The following TMEM11 variants were observed in gnomAD, a reference collection of about 807,000 sequenced individuals.
TMEM11 encodes transmembrane protein 11.
In TMEM11, 1 loss-of-function variant was observed where a neutral mutation model predicts 17.0. The ratio of observed to expected loss-of-function variants is 0.06; its 90% CI spans 0.02 to 0.28. TMEM11 has a LOEUF of 0.28. Among genes scored for constraint, TMEM11 ranks in the 10% least tolerant of loss-of-function variants. The pLI, the probability that TMEM11 is intolerant of heterozygous loss-of-function variation, is 1.00. For missense variants in TMEM11, 172 were observed against 252.9 expected, an observed-to-expected ratio of 0.68 and a Z score of 2.17; for synonymous variants, 122 against 118.1, an observed-to-expected ratio of 1.03 and a Z score of -0.21.
In TMEM11 at chr17:21,214,083, G is replaced by C; in HGVS notation, c.62+8C>G. 1 of 1,609,128 alleles carries C rather than the reference G, an allele frequency of 6.2e-7. No homozygotes were observed. The highest frequency in any genetic ancestry group is 8.5e-7 in the Non-Finnish European group (1 of 1,178,940). ...CTGCACTGGGGGCAACAAGCCCTTG[G>C]ATCTCACCTCTCTCGGGCGCTGCCG... On this transcript the variant is annotated splice_region_variant and intron_variant, in intron 1 of 1. Transcript: ENST00000317635.
intron 1 of TMEM11, chr17:21,208,651 CA>C (rs1282166632): frequency 6.6e-6 from 1 of 152,250 alleles, no homozygotes; most frequent in Non-Finnish European, 1.5e-5. Flanking sequence ...CCAGCAGAGG[CA>C]AATCTGAGTG....
rs1273594692 is a variant in TMEM11 at position 21,198,304 on chromosome 17, C to T, written c.*20G>A. The T allele has an allele frequency of 9.4e-6, 15 of 1,594,018 alleles. No individual in the cohort carries two copies. Among genetic ancestry groups the T allele is most frequent in the East Asian group, 4.5e-5 (2 of 44,506 alleles). On this transcript the variant is annotated 3_prime_UTR_variant, in exon 2 of 2. Coordinates refer to ENST00000317635, the MANE Select transcript of TMEM11 (RefSeq NM_003876.3). This position sits in a 1 kb window ranked among gnomAD's most constrained non-coding sequence, Gnocchi z 6.5. ...TCTTGTGGGCCGGGTGGTTTTGCTTCGCTCCCTGTTCTACTGAAATCATAC... is the reference window on the plus strand; with the variant it reads ...TCTTGTGGGCCGGGTGGTTTTGCTTTGCTCCCTGTTCTACTGAAATCATAC...
chr17:21,211,166 G>A (rs1974999070), intron 1 of TMEM11: 2 of 1,289,712 alleles, frequency 1.6e-6, no homozygotes, highest in Non-Finnish European at 2.0e-6. Flanking sequence ...GCTGAATTTT[G>A]GACAAGAATT....
chr17:21,199,717 G>A (rs1974862393), intron 1 of TMEM11, among the ~76,000 whole-genome samples: 1 of 152,218 alleles, frequency 6.6e-6, no homozygotes, highest in South Asian at 2.1e-4. Flanking sequence ...CTCTCCTGGA[G>A]GCCAGGCTGC....
rs200494053 is a variant in TMEM11, at chr17:21,198,696, G to A, written c.207C>T (p.Asp69=). ...YIVIEPTRIG[D]ETARWITVGN... ...CCACGGTGATCCAGCGGGCTGTCTC[G>A]TCGCCAATGCGAGTGGGCTCAATCA... Residue 69 remains aspartate, a synonymous_variant, in exon 2 of 2, where the codon GAC becomes GAT. Transcript: ENST00000317635. The surrounding 1 kb of genome is among the most constrained non-coding windows in gnomAD (Gnocchi z 6.5). 12 of 1,614,016 alleles carry A rather than the reference G, an allele frequency of 7.4e-6. No individual in the cohort carries two copies. The highest frequency in any genetic ancestry group is 2.7e-5 in the African/African-American group (2 of 74,954).
chr17:21,214,143 A>G lies in TMEM11; in HGVS notation c.10T>C (p.Trp4Arg), dbSNP rs1975036774. ...CCCGGGCCAAGACGCCTCCTTCCCCAAGCGGCCATCTTGGAGACACTCTGC... is the reference window on the plus strand; with the variant it reads ...CCCGGGCCAAGACGCCTCCTTCCCCGAGCGGCCATCTTGGAGACACTCTGC... MAA[W>R]GRRRLGPGSS... Residue 4 changes from tryptophan (W) to arginine (R), a missense_variant, in exon 1 of 2, where the codon TGG becomes CGG. Trp to Arg is a moderately radical substitution (Grantham distance 101, BLOSUM62 -3). Transcript: ENST00000317635. The G allele has an allele frequency of 3.7e-6, 6 of 1,612,436 alleles. No homozygotes were observed. The highest frequency in any genetic ancestry group is 1.7e-5 in the Admixed American group (1 of 59,990).
At chr17:21,202,675 C>T (rs1974895928) in intron 1 of TMEM11, among the ~76,000 whole-genome samples, 2 of 152,314 alleles carry the variant, frequency 1.3e-5, no homozygotes, top group South Asian at 2.1e-4. Context: ...GAGTCCCAAC[C>T]AGCCTGGAAG....
At chr17:21,210,123 C>T (rs542867004) in intron 1 of TMEM11, among the ~76,000 whole-genome samples, 2 of 152,312 alleles carry the variant, frequency 1.3e-5, no homozygotes, top group Non-Finnish European at 2.9e-5. Context: ...TGGACCCAGG[C>T]GCAGCCCTCC....
intron 1 of TMEM11, among the ~76,000 whole-genome samples, chr17:21,199,303 G>C (rs1974855687): frequency 6.9e-6 from 1 of 144,120 alleles, no homozygotes; most frequent in East Asian, 2.0e-4. Context: ...CTCCAGCCTG[G>C]GTGACAGGGC....
intron 1 of TMEM11, among the ~76,000 whole-genome samples, chr17:21,202,993 C>A (rs1236720964): frequency 6.6e-6 from 1 of 152,246 alleles, no homozygotes; most frequent in African/African-American, 2.4e-5. Context: ...CTATCCACAG[C>A]AGAAACACAA....
Position 21,198,245 on chromosome 17 carries a change from TCA to T in TMEM11, c.*77_*78del, listed in dbSNP as rs1974840765. ...AAACACCTGCCCAGGCTCTGCTGCC[TCA>T]CAGAGTGTGGCGATCTGAATACTCT... On this transcript the variant is annotated 3_prime_UTR_variant, in exon 2 of 2. Transcript: ENST00000317635. The surrounding 1 kb of genome is among the most constrained non-coding windows in gnomAD (Gnocchi z 6.5). 4.7e-6 allele frequency: 7 copies of T among 1,495,394 alleles called. No individual in the cohort carries two copies. The highest frequency in any genetic ancestry group is 5.4e-6 in the Non-Finnish European group (6 of 1,104,584). The allele number at this position is 1,495,394 out of a possible 1,614,324, so 92.6% of individuals were successfully genotyped here.
At chr17:21,210,020 GAGTGCT>G (rs762524009) in intron 1 of TMEM11, among the ~76,000 whole-genome samples, 1 of 152,154 alleles carries the variant, frequency 6.6e-6, no homozygotes, top group African/African-American at 2.4e-5. Context: ...CTCGGTCATG[GAGTGCT>G]GCCCAACTCC....
chr17:21,204,135 AAAAAG>A (rs1185404730), intron 1 of TMEM11, among the ~76,000 whole-genome samples: 1 of 150,556 alleles, frequency 6.6e-6, no homozygotes, highest in Non-Finnish European at 1.5e-5. Flanking sequence ...AAAAAAAAAA[AAAAAG>A]AAAGAAAAAG....
rs1221354354 is a variant in TMEM11 at position 21,206,554 on chromosome 17, G to A, written c.62+7537C>T. ...TTTTTATTTGTTTATTTATTTTGTG[G>A]AGACGGAGTTTCACTCTTGTCACCC... is the stretch of plus-strand genomic sequence containing the variant. On this transcript the variant is annotated intron_variant, in intron 1 of 1. Coordinates refer to ENST00000317635, the MANE Select transcript of TMEM11 (RefSeq NM_003876.3). 2.0e-5 allele frequency among the ~76,000 whole-genome samples: 3 copies of A among 151,918 alleles called. No homozygotes were observed. The East Asian group carries it at 5.8e-4, about 29-fold the overall frequency.
rs149491980 is a variant in TMEM11 at position 21,209,968 on chromosome 17, C to G, written c.62+4123G>C. 4.3e-3 allele frequency among the ~76,000 whole-genome samples: 662 copies of G among 152,284 alleles called. 7 individuals are homozygous for G. The highest frequency in any genetic ancestry group is 0.015 in the African/African-American group (636 of 41,548). On this transcript the variant is annotated intron_variant, in intron 1 of 1. Coordinates refer to ENST00000317635, the MANE Select transcript of TMEM11 (RefSeq NM_003876.3). Reference sequence around the variant, plus strand: ...TGTGCCCATAAAGTGGCTGCTGGCACCAGGGCGGAACACCGTGGCAGTCAG... The same window carrying G: ...TGTGCCCATAAAGTGGCTGCTGGCAGCAGGGCGGAACACCGTGGCAGTCAG...
rs760465328 is a variant in TMEM11 at position 21,198,657 on chromosome 17, G to A, written c.246C>T (p.His82=). The part of the protein sequence containing the change: ...ARWITVGNCL[H]KTAVLAGTAC... ...CGGTGCCCGCCAGCACGGCCGTCTT[G>A]TGCAGGCAGTTGCCCACGGTGATCC... Residue 82 remains histidine (H), a synonymous_variant, in exon 2 of 2, where the codon CAC becomes CAT. Transcript: ENST00000317635. This position sits in a 1 kb window ranked among gnomAD's most constrained non-coding sequence, Gnocchi z 6.5. The A allele has an allele frequency of 1.2e-6, 2 of 1,614,134 alleles. No individual in the cohort carries two copies. The highest frequency in any genetic ancestry group is 1.7e-6 in the Non-Finnish European group (2 of 1,180,050).
At chr17:21,210,586 G>A (rs1212320825) in intron 1 of TMEM11, among the ~76,000 whole-genome samples, 1 of 152,170 alleles carries the variant, frequency 6.6e-6, no homozygotes, top group Non-Finnish European at 1.5e-5. Context: ...CCTGCCCCCG[G>A]GGCCTGTGCT....
intron 1 of TMEM11, among the ~76,000 whole-genome samples, chr17:21,202,306 G>C (rs1974890664): frequency 6.6e-6 from 1 of 152,192 alleles, no homozygotes; most frequent in Admixed American, 6.5e-5. Context: ...GGACACCTTG[G>C]GGCGGGCACC....
chr17:21,198,254 G>A lies in TMEM11; in HGVS notation c.*70C>T, dbSNP rs1205965591. ...CCCAGGCTCTGCTGCCTCACAGAGT[G>A]TGGCGATCTGAATACTCTGTTGTCT... On this transcript the variant is annotated 3_prime_UTR_variant, in exon 2 of 2. Transcript: ENST00000317635. The surrounding 1 kb of genome is among the most constrained non-coding windows in gnomAD (Gnocchi z 6.5). The A allele has an allele frequency of 1.8e-5, 27 of 1,528,352 alleles. No individual in the cohort carries two copies. The East Asian group carries it at 5.9e-4, about 33-fold the overall frequency. 94.7% of individuals were successfully genotyped at this position (1,528,352 alleles called of 1,614,324 possible). A position where few individuals can be genotyped will look rare whatever the true frequency, so the allele number is the denominator to read the frequency against.
Sources: gnomAD v4.1 joint callset for allele counts (sites outside exome capture counted in the v4.1 genomes callset) on GRCh38, gnomAD v4.1.1 for gene constraint, Gnocchi (gnomAD v3.1) non-coding constraint, MANE v1.5 for transcripts, NCBI Gene and HGNC (gene_info 2026-07-23, HGNC 2026-07-21) for gene names.